ZBTB45: variants seen among roughly 807,000 people sequenced by gnomAD.
The protein encoded by ZBTB45 is zinc finger and BTB domain-containing protein 45.
In ZBTB45, 22 loss-of-function variants were observed where a neutral mutation model predicts 28.4. The observed-to-expected ratio is 0.77, with a 90% CI of 0.55 to 1.10. The LOEUF is 1.10. Among genes scored for constraint, ZBTB45 ranks in the 50% least tolerant of loss-of-function variants. ZBTB45 has a pLI of 0.00. For synonymous variants in ZBTB45, 361 were observed against 332.3 expected (o/e 1.09, Z -0.94); for missense variants, 656 against 750.2 (o/e 0.87, Z 1.47).
chr19:58,517,191 G>A lies in ZBTB45; in HGVS notation c.483C>T (p.Pro161=), dbSNP rs1365884086. The A allele has an allele frequency of 6.2e-7, 1 of 1,606,186 alleles. No individual in the cohort carries two copies. The highest frequency in any genetic ancestry group is 2.2e-5 in the East Asian group (1 of 44,730). ...HRLRHLLAAR[P]PGHPGAAHSR... Reference sequence around the variant, plus strand: ...TGTGTGCAGCACCGGGGTGCCCCGGGGGACGTGCAGCCAGCAGGTGGCGCA... The same window carrying A: ...TGTGTGCAGCACCGGGGTGCCCCGGAGGACGTGCAGCCAGCAGGTGGCGCA... The change falls in exon 2 of 3, where the codon CCC becomes CCT. Residue 161 remains proline (P), a synonymous_variant. Transcript: ENST00000594051.
chr19:58,520,983 C>T (rs2053572005), upstream of ZBTB45, among the ~76,000 whole-genome samples: 2 of 122,026 alleles, frequency 1.6e-5, no homozygotes, highest in South Asian at 2.9e-4. Flanking sequence ...ACCCGGGAGG[C>T]GGAGCTTGAA....
At position 58,513,648 on chromosome 19, in the gene ZBTB45, C is replaced by T. The variant is rs2053442589; in HGVS notation, c.*406G>A. 1 of 186,388 alleles carries T rather than the reference C, an allele frequency of 5.4e-6. No homozygotes were observed. The allele number at this position is 186,388 out of a possible 1,614,324, so 11.5% of individuals were successfully genotyped here. On this transcript the variant is annotated 3_prime_UTR_variant, in exon 3 of 3. Coordinates refer to ENST00000594051, the MANE Select transcript of ZBTB45 (RefSeq NM_001316979.2). ...TAGGCGCCCCATGAGGGAGTAACAG[C>T]TTGGGTAGAGAGCTAGGGACCTTGC...
chr19:58,519,291 C>G (rs940044553), intron 1 of ZBTB45: 1 of 152,298 alleles, frequency 6.6e-6, no homozygotes, highest in African/African-American at 2.4e-5. Flanking sequence ...CTAATCTGTC[C>G]GGCCGATGGG....
intron 1 of ZBTB45, among the ~76,000 whole-genome samples, chr19:58,529,975 G>A (rs1308027713): frequency 6.6e-6 from 1 of 152,150 alleles, no homozygotes; most frequent in Non-Finnish European, 1.5e-5. Context: ...AGCCAAGGCA[G>A]GTGGATCACT....
intron 1 of ZBTB45, among the ~76,000 whole-genome samples, chr19:58,537,547 A>C (rs536134846): frequency 6.6e-6 from 1 of 152,172 alleles, no homozygotes; most frequent in Admixed American, 6.5e-5. Context: ...GCTGTAGAGT[A>C]ACCTCTCTGA....
upstream of ZBTB45, among the ~76,000 whole-genome samples, chr19:58,522,207 G>A (rs1009580475): frequency 2.6e-5 from 4 of 151,194 alleles, no homozygotes; most frequent in East Asian, 7.9e-4. Flanking sequence ...TGTCCCCCAG[G>A]CTGGAGCGCA....
chr19:58,518,644 A>G (rs1233261396), intron 1 of ZBTB45, among the ~76,000 whole-genome samples: 2 of 152,032 alleles, frequency 1.3e-5, no homozygotes, highest in Non-Finnish European at 2.9e-5. Context: ...GGACTCTGGA[A>G]TCTGAGGAGT....
chr19:58,530,737 G>A (rs528798484), intron 1 of ZBTB45, among the ~76,000 whole-genome samples: 1 of 150,922 alleles, frequency 6.6e-6, no homozygotes, highest in African/African-American at 2.4e-5. Context: ...AGGCTGGAGT[G>A]CAGTGGCGCG....
intron 1 of ZBTB45, among the ~76,000 whole-genome samples, chr19:58,535,825 G>T (rs1387594785): frequency 6.6e-6 from 1 of 152,198 alleles, no homozygotes; most frequent in Non-Finnish European, 1.5e-5. Flanking sequence ...GATCCACCAA[G>T]AAGTGGGCTC....
upstream of ZBTB45, among the ~76,000 whole-genome samples, chr19:58,524,257 C>T (rs1175479766): frequency 2.7e-5 from 4 of 148,354 alleles, no homozygotes; most frequent in Non-Finnish European, 6.0e-5. Context: ...CCCAGCTACT[C>T]GGGAGGCTGA....
intron 1 of ZBTB45, among the ~76,000 whole-genome samples, chr19:58,530,422 C>G (rs1417572238): frequency 6.6e-6 from 1 of 152,092 alleles, no homozygotes; most frequent in Non-Finnish European, 1.5e-5. Context: ...ATTCTCCTGC[C>G]TCGCCTCCCA....
intron 1 of ZBTB45, among the ~76,000 whole-genome samples, chr19:58,535,208 A>G (rs372746806): frequency 6.6e-6 from 1 of 151,734 alleles, no homozygotes; most frequent in South Asian, 2.1e-4. Flanking sequence ...GGGTTTCACC[A>G]TGTTGGCCAG....
At chr19:58,525,584 C>G (rs1307555674) in intron 1 of ZBTB45, among the ~76,000 whole-genome samples, 3 of 152,136 alleles carry the variant, frequency 2.0e-5, no homozygotes, top group African/African-American at 7.2e-5. Flanking sequence ...GGAGGCCCAG[C>G]CCCAGGCCCT....
At chr19:58,532,577 G>A (rs945110090) in intron 1 of ZBTB45, among the ~76,000 whole-genome samples, 2 of 151,930 alleles carry the variant, frequency 1.3e-5, no homozygotes, top group Non-Finnish European at 2.9e-5. Context: ...ATGGAGTTTC[G>A]CGCTTATCGC....
rs1293262828 is a variant in ZBTB45 at position 58,516,199 on chromosome 19, A to C, written c.1279+196T>G. 6.6e-6 allele frequency among the ~76,000 whole-genome samples: 1 copy of C among 152,080 alleles called. No homozygotes were observed. Among genetic ancestry groups the C allele is most frequent in the Non-Finnish European group, 1.5e-5 (1 of 67,998 alleles). On this transcript the variant is annotated intron_variant, in intron 2 of 2. Coordinates refer to ENST00000594051, the MANE Select transcript of ZBTB45 (RefSeq NM_001316979.2). This position sits in a 1 kb window ranked among gnomAD's most constrained non-coding sequence, Gnocchi z 6.2. ...CTCAGGATCCCCCTCCACAGAAGCC[A>C]GTGCCTGCTGCTCCACAGAGTGGGG...
In ZBTB45 at chr19:58,516,968, A is replaced by G. The variant is rs753784392; in HGVS notation, c.706T>C (p.Ser236Pro). 3 of 1,613,244 alleles carry G rather than the reference A, an allele frequency of 1.9e-6. No homozygotes were observed. The South Asian group carries it at 3.3e-5, about 18-fold the overall frequency. The change falls in exon 2 of 3, where the codon TCC (serine) becomes CCC (proline). Residue 236 changes from serine (S) to proline (P), a missense_variant. Coordinates refer to ENST00000594051, the MANE Select transcript of ZBTB45 (RefSeq NM_001316979.2). This position sits in a 1 kb window ranked among gnomAD's most constrained non-coding sequence, Gnocchi z 6.2. Reference protein sequence around the residue: ...GGPGEGQAPPSFPDCAAGFLT... With the variant: ...GGPGEGQAPPPFPDCAAGFLT... ...AAGCCAGCAGCACAGTCTGGGAAGG[A>G]AGGAGGTGCCTGGCCCTCGCCTGGG...
chr19:58,528,761 G>A (rs1322686926), intron 1 of ZBTB45, among the ~76,000 whole-genome samples: 1 of 151,758 alleles, frequency 6.6e-6, no homozygotes, highest in Non-Finnish European at 1.5e-5. Flanking sequence ...AGGTGTGGTG[G>A]CATGCGCCTG....
upstream of ZBTB45, chr19:58,520,282 AC>A (rs970126636): frequency 1.2e-4 from 18 of 151,898 alleles, no homozygotes; most frequent in African/African-American, 4.1e-4. Context: ...TGGGGAAAGG[AC>A]CCCATCTCGG....
At position 58,517,358 on chromosome 19, in the gene ZBTB45, C is replaced by G; in HGVS notation, c.316G>C (p.Ala106Pro). 6.2e-7 allele frequency: 1 copy of G among 1,612,274 alleles called. No homozygotes were observed. The highest frequency in any genetic ancestry group is 1.1e-5 in the South Asian group (1 of 91,086). ...ACTGTCTGTATGCGAAGCACTGACG[C>G]GGCCGTGAGCACCTGCAGGGCTTCA... The part of the protein sequence containing the change: ...QGEALQVLTA[A>P]SVLRIQTVID... The change falls in exon 2 of 3, where the codon GCG (alanine) becomes CCG (proline). Residue 106 changes from alanine (A) to proline (P), a missense_variant. Physicochemically the swap from Ala to Pro is conservative, Grantham distance 27. Around this residue, in one of 3 missense-constraint regions of ZBTB45, gnomAD observed 105 missense variants for 152.4 expected, o/e 0.69. Transcript: ENST00000594051.
Sources: allele counts gnomAD v4.1 joint callset (sites outside exome capture counted in the v4.1 genomes callset), GRCh38; gene constraint gnomAD v4.1.1; regional missense constraint gnomAD v4.1.1; non-coding constraint Gnocchi (gnomAD v3.1); transcripts MANE v1.5; gene names NCBI Gene and HGNC (gene_info 2026-07-23, HGNC 2026-07-21).